The following FIRRM variants were observed in gnomAD, a reference collection of about 807,000 sequenced individuals.
FIRRM encodes FIGNL1 interacting regulator of recombination and mitosis.
chr1:169,790,062 G>A, the FIRRM span, among the ~76,000 whole-genome samples: 1 of 152,184 alleles, frequency 6.6e-6, no homozygotes, highest in African/African-American at 2.4e-5. Flanking sequence ...TGAGAAAGCT[G>A]CGTATCTGTT....
At chr1:169,807,538 C>T in the FIRRM span, among the ~76,000 whole-genome samples, 1 of 152,144 alleles carries the variant, frequency 6.6e-6, no homozygotes, top group African/African-American at 2.4e-5. Flanking sequence ...CCCTTTGTCT[C>T]CAGGGCCTGG....
the FIRRM span, among the ~76,000 whole-genome samples, chr1:169,797,711 A>AT: frequency 7.2e-5 from 11 of 151,764 alleles, no homozygotes; most frequent in Non-Finnish European, 1.5e-4. Flanking sequence ...TGCCCGGCTA[A>AT]TTTTTTGTAT....
the FIRRM span, chr1:169,795,710 T>G: frequency 2.0e-6 from 2 of 985,604 alleles, no homozygotes; most frequent in East Asian, 2.3e-4. Context: ...CATAGTTCTG[T>G]GGTGTGAAAT....
the FIRRM span, among the ~76,000 whole-genome samples, chr1:169,845,104 CAG>C: frequency 6.6e-6 from 1 of 152,208 alleles, no homozygotes; most frequent in East Asian, 1.9e-4. Context: ...AGGCATACCA[CAG>C]AGAGATTACA....
chr1:169,848,559 G>A, the FIRRM span, among the ~76,000 whole-genome samples: 9 of 152,244 alleles, frequency 5.9e-5, no homozygotes, highest in African/African-American at 1.9e-4. Context: ...TTTCTAAGGG[G>A]CTCTTTTATT....
At chr1:169,847,758 T>C in the FIRRM span, 1 of 1,613,596 alleles carries the variant, frequency 6.2e-7, no homozygotes, top group Non-Finnish European at 8.5e-7. Context: ...CAATGTTGGA[T>C]TTTGTATCTT....
the FIRRM span, among the ~76,000 whole-genome samples, chr1:169,828,794 C>T: frequency 6.6e-6 from 1 of 152,230 alleles, no homozygotes. Flanking sequence ...GATCTTCCCG[C>T]CTCGGCCTCC....
At chr1:169,807,767 ATTCTT>A in the FIRRM span, 1 of 1,551,698 alleles carries the variant, frequency 6.4e-7, no homozygotes, top group Non-Finnish European at 8.7e-7. Context: ...TGGTGATTGT[ATTCTT>A]TTCTTTTTAT....
the FIRRM span, chr1:169,807,938 T>C: frequency 1.3e-6 from 2 of 1,599,440 alleles, no homozygotes; most frequent in East Asian, 4.5e-5. Context: ...AGGTAAAATT[T>C]GGGCTAATAG....
chr1:169,843,374 G>A, the FIRRM span, among the ~76,000 whole-genome samples: 1 of 152,176 alleles, frequency 6.6e-6, no homozygotes, highest in Admixed American at 6.5e-5. Flanking sequence ...GCCTTTCAGT[G>A]ATAGACAAGT....
the FIRRM span, among the ~76,000 whole-genome samples, chr1:169,821,986 TATAAG>T: frequency 6.6e-6 from 1 of 152,210 alleles, no homozygotes; most frequent in African/African-American, 2.4e-5. Context: ...TTTATTGTAT[TATAAG>T]ATATAGGAAA....
chr1:169,853,214 A>ATTTACTCAGATAGTCTAACTG, the FIRRM span: 8 of 545,252 alleles, frequency 1.5e-5, no homozygotes, highest in African/African-American at 3.8e-5. Context: ...ACAAAGAACC[A>ATTTACTCAGATAGTCTAACTG]TTTACTCAGA....
chr1:169,812,390 T>C, the FIRRM span, among the ~76,000 whole-genome samples: 1 of 152,214 alleles, frequency 6.6e-6, no homozygotes, highest in Non-Finnish European at 1.5e-5. Context: ...GTATGATCTT[T>C]GGAGGACTGG....
At chr1:169,799,904 G>A in the FIRRM span, among the ~76,000 whole-genome samples, 10,072 of 152,128 alleles carry the variant, frequency 0.066, 428 homozygotes, top group Non-Finnish European at 0.099. Context: ...CTATTGCCCA[G>A]GCTGGAGAGC....
the FIRRM span, among the ~76,000 whole-genome samples, chr1:169,791,522 G>A: frequency 6.6e-6 from 1 of 152,144 alleles, no homozygotes; most frequent in Non-Finnish European, 1.5e-5. Context: ...GGTTCAAGGT[G>A]AGAAATGTGA....
At chr1:169,832,971 G>T in the FIRRM span, among the ~76,000 whole-genome samples, 1 of 151,964 alleles carries the variant, frequency 6.6e-6, no homozygotes, top group East Asian at 1.9e-4. Context: ...GTTGATTGCT[G>T]TGCTTGTTGC....
At chr1:169,804,641 TA>T in the FIRRM span, among the ~76,000 whole-genome samples, 1 of 152,212 alleles carries the variant, frequency 6.6e-6, no homozygotes, top group Admixed American at 6.5e-5. Context: ...TATAATGAAA[TA>T]ACTCATTTTA....
the FIRRM span, chr1:169,823,539 C>T: frequency 6.9e-6 from 6 of 865,376 alleles, no homozygotes; most frequent in Non-Finnish European, 1.1e-5. Context: ...TGCTTAAGTA[C>T]CTACCATTTT....
the FIRRM span, among the ~76,000 whole-genome samples, chr1:169,819,861 C>T: frequency 3.3e-5 from 5 of 152,102 alleles, no homozygotes; most frequent in South Asian, 2.1e-4. Flanking sequence ...CCAGAAAGTA[C>T]TCATTGCCTT....
Sources: gnomAD v4.1 joint callset for allele counts (sites outside exome capture counted in the v4.1 genomes callset) on GRCh38, gnomAD v4.1.1 for gene constraint, MANE v1.5 for transcripts, NCBI Gene and HGNC (gene_info 2026-07-23, HGNC 2026-07-21) for gene names.